ARHGEF10: variants seen among roughly 807,000 people sequenced by gnomAD.
ARHGEF10 encodes Rho guanine nucleotide exchange factor (GEF) 10.
In ARHGEF10, 140 loss-of-function variants were observed where a neutral mutation model predicts 147.4. The observed-to-expected ratio is 0.95, with a 90% CI of 0.83 to 1.09. The LOEUF is 1.09. Ranked by LOEUF, ARHGEF10 falls within the 50% of genes least tolerant of loss-of-function variation. ARHGEF10 has a pLI of 0.00. For missense variants in ARHGEF10, 2,222 were observed against 1,752.7 expected (o/e 1.27, Z -4.78); for synonymous variants, 902 against 695.8 (o/e 1.30, Z -4.67).
intron 10 of ARHGEF10, among the ~76,000 whole-genome samples, chr8:1,884,940 T>TA (rs376987937): frequency 9.3e-4 from 141 of 152,236 alleles, no homozygotes; most frequent in African/African-American, 3.3e-3. Flanking sequence ...AATTTTTAAA[T>TA]TTTTTGTAGA....
chr8:1,841,583 C>G (rs1460901486), intron 1 of ARHGEF10, among the ~76,000 whole-genome samples: 1 of 152,016 alleles, frequency 6.6e-6, no homozygotes, highest in Non-Finnish European at 1.5e-5. Context: ...ACACGCGGCT[C>G]CCTGGGGGCA....
chr8:1,850,066 CTG>C (rs1239916563), intron 2 of ARHGEF10, among the ~76,000 whole-genome samples: 1 of 116,356 alleles, frequency 8.6e-6, no homozygotes, highest in East Asian at 2.6e-4. Flanking sequence ...CGTGGGCCGG[CTG>C]CGTGGACACA....
At chr8:1,945,812 G>T (rs1048007553) in intron 27 of ARHGEF10, 157 bp downstream of exon 27, 1 of 1,139,248 alleles carries the variant, frequency 8.8e-7, no homozygotes, top group Admixed American at 1.8e-5. Context: ...AGGGACAGAC[G>T]TGGGAGTACG....
chr8:1,908,120 G>C (rs186081464), intron 17 of ARHGEF10, among the ~76,000 whole-genome samples: 5 of 152,166 alleles, frequency 3.3e-5, no homozygotes, highest in African/African-American at 1.2e-4. Context: ...GAGTGCTCTG[G>C]TGTAAGAAGG....
At chr8:1,913,642 GC>G (rs1811539766) in intron 18 of ARHGEF10, among the ~76,000 whole-genome samples, 1 of 152,210 alleles carries the variant, frequency 6.6e-6, no homozygotes, top group South Asian at 2.1e-4. Flanking sequence ...CTGGCAGCTT[GC>G]CTAGAAGGGG....
chr8:1,929,976 TG>T (rs1812993127), intron 25 of ARHGEF10, among the ~76,000 whole-genome samples: 2 of 152,194 alleles, frequency 1.3e-5, no homozygotes, highest in South Asian at 4.1e-4. Context: ...GCAGCTGCTG[TG>T]TGTCTGTTCT....
intron 6 of ARHGEF10, among the ~76,000 whole-genome samples, chr8:1,867,520 C>T (rs1806726390): frequency 6.6e-6 from 1 of 152,190 alleles, no homozygotes; most frequent in Non-Finnish European, 1.5e-5. Context: ...TGTCCCGTCT[C>T]TGTGTGGATT....
intron 14 of ARHGEF10, among the ~76,000 whole-genome samples, chr8:1,897,025 G>C (rs1252976470): frequency 6.6e-6 from 1 of 152,172 alleles, no homozygotes; most frequent in Non-Finnish European, 1.5e-5. Context: ...GCGTGTCCGA[G>C]GCTGTGTTCT....
intron 27 of ARHGEF10, among the ~76,000 whole-genome samples, chr8:1,946,071 G>C (rs575593093): frequency 6.6e-6 from 1 of 152,284 alleles, no homozygotes; most frequent in South Asian, 2.1e-4. Flanking sequence ...GGCCAACAGA[G>C]GCCTATGTTT....
At position 1,958,400 on chromosome 8, in the gene ARHGEF10, G is replaced by T. The variant is rs1815745521; in HGVS notation, c.*1137G>T. 1 of 152,204 alleles carries T rather than the reference G, an allele frequency of 6.6e-6. No individual in the cohort carries two copies. The highest frequency in any genetic ancestry group is 6.5e-5 in the Admixed American group (1 of 15,286). 9.4% of individuals were successfully genotyped at this position (152,204 alleles called of 1,614,324 possible). A position where few individuals can be genotyped will look rare whatever the true frequency, so the allele number is the denominator to read the frequency against. On this transcript the variant is annotated 3_prime_UTR_variant, in exon 29 of 29. Transcript: ENST00000349830. Reference sequence around the variant, plus strand: ...CATACTTAGTGAGCGCCATCCTGCTGAACGTGTATTTCAGTGTTTCACTTA... The same window carrying T: ...CATACTTAGTGAGCGCCATCCTGCTTAACGTGTATTTCAGTGTTTCACTTA...
intron 26 of ARHGEF10, chr8:1,943,545 A>G (rs1814283021): frequency 6.6e-6 from 1 of 152,244 alleles, no homozygotes. Context: ...TCTGTCTCCC[A>G]CGCCGCACAG....
At chr8:1,938,384 G>A (rs1002384634) in intron 26 of ARHGEF10, among the ~76,000 whole-genome samples, 2 of 152,198 alleles carry the variant, frequency 1.3e-5, no homozygotes, top group African/African-American at 4.8e-5. Flanking sequence ...GCTGCTTAAA[G>A]TGCAAACCTT....
At chr8:1,840,919 CG>C (rs1563159904) in intron 1 of ARHGEF10, among the ~76,000 whole-genome samples, 1 of 152,158 alleles carries the variant, frequency 6.6e-6, no homozygotes, top group Non-Finnish European at 1.5e-5. Flanking sequence ...GGCCGGCACT[CG>C]GACCCTGTCT....
intron 1 of ARHGEF10, among the ~76,000 whole-genome samples, chr8:1,824,579 C>T (rs1368720467): frequency 1.4e-5 from 2 of 146,626 alleles, no homozygotes; most frequent in Non-Finnish European, 3.0e-5. Context: ...CAGTTCCCCG[C>T]ACCCCGTGTA....
rs145798451 is a variant in ARHGEF10 at position 1,901,675 on chromosome 8, G to A, written c.1651-1606G>A. On this transcript the variant is annotated intron_variant, in intron 15 of 28. Coordinates refer to ENST00000349830, the MANE Select transcript of ARHGEF10 (RefSeq NM_014629.4). Reference sequence around the variant, plus strand: ...GTGCTCAGTGGCCCCACGGCATGTCGGACTCCACCCTGTGCTGGCTGCTGT... The same window carrying A: ...GTGCTCAGTGGCCCCACGGCATGTCAGACTCCACCCTGTGCTGGCTGCTGT... 2.3e-4 allele frequency among the ~76,000 whole-genome samples: 35 copies of A among 152,350 alleles called. No homozygotes were observed. In the East Asian group the frequency reaches 4.6e-3, roughly 20 times the overall value.
chr8:1,905,424 G>C (rs1810803741), intron 16 of ARHGEF10, 147 bp from the exon 17 acceptor site: 1 of 969,834 alleles, frequency 1.0e-6, no homozygotes, highest in East Asian at 2.4e-5. Context: ...CGGATGTTCA[G>C]CGCAGTCACG....
At chr8:1,906,497 C>A (rs1253183311) in intron 17 of ARHGEF10, among the ~76,000 whole-genome samples, 1 of 152,182 alleles carries the variant, frequency 6.6e-6, no homozygotes, top group Non-Finnish European at 1.5e-5. Flanking sequence ...CGTTTGCCAG[C>A]ACACCACTAA....
chr8:1,915,561 C>A (rs925568847), intron 18 of ARHGEF10, among the ~76,000 whole-genome samples: 10 of 152,246 alleles, frequency 6.6e-5, no homozygotes, highest in African/African-American at 2.4e-4. Flanking sequence ...CAGCATCACA[C>A]GTGCTTTCAG....
chr8:1,857,454 C>G (rs1444979902), intron 2 of ARHGEF10, among the ~76,000 whole-genome samples: 1 of 150,492 alleles, frequency 6.6e-6, no homozygotes, highest in Non-Finnish European at 1.5e-5. Context: ...GAGTTTTGCC[C>G]TGTCACCCAG....
Sources: gnomAD v4.1 joint callset for allele counts (sites outside exome capture counted in the v4.1 genomes callset) on GRCh38, gnomAD v4.1.1 for gene constraint, MANE v1.5 for transcripts, NCBI Gene and HGNC (gene_info 2026-07-23, HGNC 2026-07-21) for gene names.